Variants in CADPS2 observed in about 807,000 individuals in gnomAD.
The protein encoded by CADPS2 is calcium dependent secretion activator 2.
Under a neutral mutation model 172.5 loss-of-function variants are expected in CADPS2, and 93 were observed. The ratio of observed to expected loss-of-function variants is 0.54; its 90% confidence interval spans 0.46 to 0.64. CADPS2 has a LOEUF of 0.64. CADPS2 is among the 30% of genes least tolerant of loss of function. The pLI, the probability that CADPS2 is intolerant of heterozygous loss-of-function variation, is 0.00. For missense variants in CADPS2, 1,420 were observed against 1,565.9 expected, an observed-to-expected ratio of 0.91 and a Z score of 1.57; for synonymous variants, 546 against 555.2, an observed-to-expected ratio of 0.98 and a Z score of 0.23.
chr7:122,480,983 T>C, intron 11 of CADPS2, 123 bp from the exon 12 acceptor site: 1 of 878,290 alleles, frequency 1.1e-6, no homozygotes, highest in Non-Finnish European at 1.6e-6. Context: ...TAAAAGTTGT[T>C]TTTCTAAAAG....
At chr7:122,714,259 C>G (rs1251858684) in intron 2 of CADPS2, among the ~76,000 whole-genome samples, 1 of 151,834 alleles carries the variant, frequency 6.6e-6, no homozygotes, top group African/African-American at 2.4e-5. Flanking sequence ...AATCGAGAAG[C>G]AAAACGACAT....
intron 1 of CADPS2, among the ~76,000 whole-genome samples, chr7:122,773,896 C>T (rs1046849389): frequency 1.1e-4 from 16 of 152,046 alleles, no homozygotes; most frequent in African/African-American, 3.9e-4. Flanking sequence ...TTGGCATTCA[C>T]ATTTTCCTTC....
chr7:122,618,114 G>A (rs2075163625), intron 5 of CADPS2, among the ~76,000 whole-genome samples: 1 of 151,392 alleles, frequency 6.6e-6, no homozygotes, highest in Non-Finnish European at 1.5e-5. Context: ...TTAAGTGAAC[G>A]TTTGTTTTTC....
chr7:122,350,002 C>T (rs550385357), intron 27 of CADPS2, among the ~76,000 whole-genome samples: 2 of 152,284 alleles, frequency 1.3e-5, no homozygotes, highest in African/African-American at 4.8e-5. Context: ...TTTAAATATA[C>T]TATTCCAGCC....
At chr7:122,817,470 C>T (rs1036733752) in intron 1 of CADPS2, among the ~76,000 whole-genome samples, 6 of 152,120 alleles carry the variant, frequency 3.9e-5, no homozygotes, top group African/African-American at 1.2e-4. Context: ...ACGTTTTATC[C>T]GTGGACCCAA....
At chr7:122,814,580 T>C (rs1416118109) in intron 1 of CADPS2, among the ~76,000 whole-genome samples, 3 of 152,100 alleles carry the variant, frequency 2.0e-5, no homozygotes, top group Non-Finnish European at 4.4e-5. Flanking sequence ...CTAAGTTTTA[T>C]TGGAACACAG....
chr7:122,773,085 G>A (rs753677506), intron 1 of CADPS2, among the ~76,000 whole-genome samples: 4 of 152,150 alleles, frequency 2.6e-5, no homozygotes, highest in Non-Finnish European at 5.9e-5. Flanking sequence ...AACAATTCAC[G>A]AATTGCTAAA....
chr7:122,698,436 C>T (rs1423058322), intron 2 of CADPS2: 11 of 1,613,806 alleles, frequency 6.8e-6, no homozygotes, highest in Middle Eastern at 1.6e-4. Flanking sequence ...GGAAAATTTC[C>T]GTGCCTTTTA....
intron 6 of CADPS2, among the ~76,000 whole-genome samples, chr7:122,610,073 T>C (rs1242857225): frequency 6.6e-6 from 1 of 152,084 alleles, no homozygotes; most frequent in Non-Finnish European, 1.5e-5. Context: ...TAACTCAGTG[T>C]TCGTGGGGAA....
At chr7:122,411,848 C>T (rs2047357655) in intron 19 of CADPS2, among the ~76,000 whole-genome samples, 1 of 152,124 alleles carries the variant, frequency 6.6e-6, no homozygotes, top group African/African-American at 2.4e-5. Flanking sequence ...CACCTATTGT[C>T]TAACTAATCA....
At chr7:122,591,514 A>C (rs1056891043) in intron 6 of CADPS2, among the ~76,000 whole-genome samples, 1 of 152,156 alleles carries the variant, frequency 6.6e-6, no homozygotes, top group Admixed American at 6.6e-5. Flanking sequence ...ACCAAAAAAG[A>C]GCCTGCATTG....
chr7:122,649,685 T>C (rs755931872), intron 3 of CADPS2, among the ~76,000 whole-genome samples: 3 of 152,170 alleles, frequency 2.0e-5, no homozygotes, highest in Non-Finnish European at 2.9e-5. Context: ...TGCTGTACAG[T>C]ATACATACTC....
chr7:122,554,782 AATG>A, intron 7 of CADPS2, 93 bp from the exon 8 acceptor site: 1 of 1,159,434 alleles, frequency 8.6e-7, no homozygotes, highest in Non-Finnish European at 1.2e-6. Flanking sequence ...TGTTTGAAAA[AATG>A]ATGTCAACAC....
chr7:122,704,954 A>G (rs926114634), intron 2 of CADPS2, among the ~76,000 whole-genome samples: 3 of 152,012 alleles, frequency 2.0e-5, no homozygotes, highest in East Asian at 3.9e-4. Context: ...GGTCCAAAAT[A>G]TCAATAGTAA....
Position 122,374,126 on chromosome 7 carries a change from C to T in CADPS2, c.3387+5242G>A, listed in dbSNP as rs557048317. 3.9e-5 allele frequency among the ~76,000 whole-genome samples: 6 copies of T among 152,214 alleles called. No individual in the cohort carries two copies. The South Asian group carries it at 1.2e-3, about 32-fold the overall frequency. The stretch of plus-strand genomic sequence containing the variant: ...GCAAGTCAGTTGTTATGACACACCA[C>T]ATTAATAGAATGAAGGATAAAAATC... On this transcript the variant is annotated intron_variant, in intron 25 of 29. Transcript: ENST00000449022.
At chr7:122,658,152 C>A (rs2080045713) in intron 3 of CADPS2, among the ~76,000 whole-genome samples, 1 of 152,186 alleles carries the variant, frequency 6.6e-6, no homozygotes, top group Non-Finnish European at 1.5e-5. Context: ...CTCATCATCA[C>A]TGGCCATCAG....
intron 1 of CADPS2, among the ~76,000 whole-genome samples, chr7:122,825,588 G>A (rs915895311): frequency 1.3e-5 from 2 of 152,020 alleles, no homozygotes; most frequent in East Asian, 1.9e-4. Flanking sequence ...AAGGAAACAG[G>A]GCTGAAAGAT....
chr7:122,443,493 T>C (rs2051654622), intron 15 of CADPS2, among the ~76,000 whole-genome samples: 1 of 152,054 alleles, frequency 6.6e-6, no homozygotes, highest in African/African-American at 2.4e-5. Context: ...GAAGTCAACC[T>C]TATTCCCATT....
intron 25 of CADPS2, 61 bp from the exon 26 acceptor site, chr7:122,361,074 C>T (rs2040059936): frequency 7.5e-7 from 1 of 1,337,162 alleles, no homozygotes. Flanking sequence ...AATAGCAGGA[C>T]AAACAATTCC....
Sources: gnomAD v4.1 joint callset for allele counts (sites outside exome capture counted in the v4.1 genomes callset) on GRCh38, gnomAD v4.1.1 for gene constraint, MANE v1.5 for transcripts, NCBI Gene and HGNC (gene_info 2026-07-23, HGNC 2026-07-21) for gene names.